Variants in SAFB2 observed in about 807,000 individuals in gnomAD.
The protein encoded by SAFB2 is scaffold attachment factor B2.
In SAFB2, 32 loss-of-function variants were observed where a neutral mutation model predicts 100.6. That is an observed-to-expected ratio of 0.32 (90% confidence interval 0.24 to 0.43). The LOEUF is 0.43. SAFB2 is among the 20% of genes least tolerant of loss of function. The pLI, the probability that SAFB2 is intolerant of heterozygous loss-of-function variation, is 1.00. For synonymous variants in SAFB2, 500 were observed against 439.4 expected (o/e 1.14, Z -1.72); for missense variants, 1,185 against 1,163.4 (o/e 1.02, Z -0.27).
chr19:5,604,963 T>C (rs2052742352), intron 9 of SAFB2, 27 bp from the exon 10 acceptor site: 1 of 1,606,604 alleles, frequency 6.2e-7, no homozygotes, highest in Non-Finnish European at 8.5e-7. Flanking sequence ...ACTCTTACTC[T>C]CTCATACAAA....
chr19:5,588,208 C>T (rs1163372398), intron 18 of SAFB2, among the ~76,000 whole-genome samples: 1 of 152,084 alleles, frequency 6.6e-6, no homozygotes. Context: ...CGAGCCACAC[C>T]GAGATGCTAC....
intron 2 of SAFB2, 70 bp from the exon 3 acceptor site, chr19:5,616,556 G>T (rs1381566797): frequency 2.5e-5 from 31 of 1,253,046 alleles, no homozygotes; most frequent in Non-Finnish European, 3.5e-5. Flanking sequence ...ATGCAGAATA[G>T]ATTTCAATCT....
At chr19:5,622,405 G>C (rs964686336) in intron 1 of SAFB2, 125 bp downstream of exon 1, 5 of 1,003,656 alleles carry the variant, frequency 5.0e-6, no homozygotes, top group Non-Finnish European at 5.5e-6. Flanking sequence ...CCGACACCTC[G>C]AACCGGGGTC....
intron 9 of SAFB2, among the ~76,000 whole-genome samples, chr19:5,608,440 T>C (rs950434776): frequency 2.6e-5 from 4 of 152,210 alleles, no homozygotes; most frequent in Admixed American, 6.5e-5. Context: ...ACAAAGTAAC[T>C]GAATAAACAG....
At position 5,616,490 on chromosome 19, in the gene SAFB2, A is replaced by G. The variant is rs776872207; in HGVS notation, c.275-4T>C. 1.9e-6 allele frequency: 3 copies of G among 1,612,494 alleles called. No individual in the cohort carries two copies. Among genetic ancestry groups the G allele is most frequent in the Non-Finnish European group, 2.5e-6 (3 of 1,178,818 alleles). On this transcript the variant is annotated splice_polypyrimidine_tract_variant and splice_region_variant and intron_variant, in intron 2 of 20. Transcript: ENST00000252542. ...CCTTCCTCCTCCATCTTCAGTCCTA[A>G]TTACAGAATAATTGTTCAATCAGAT... is the stretch of plus-strand genomic sequence containing the variant.
chr19:5,612,748 T>C (rs2052936044), intron 5 of SAFB2, among the ~76,000 whole-genome samples, 181 bp from the exon 6 acceptor site: 1 of 152,176 alleles, frequency 6.6e-6, no homozygotes, highest in South Asian at 2.1e-4. Context: ...ATTTTAACAG[T>C]TTCCCTGGTA....
Position 5,604,826 on chromosome 19 carries a change from G to A in SAFB2, c.1407C>T (p.His469=). ...TCATTCGTCCATGCAGCTCAGTTCTGTGGAGATGGCTGATGCACTTGGTCG... is the reference window on the plus strand; with the variant it reads ...TCATTCGTCCATGCAGCTCAGTTCTATGGAGATGGCTGATGCACTTGGTCG... ...DEATKCISHL[H]RTELHGRMIS... is the part of the protein sequence containing the mutation. The change falls in exon 10 of 21, where the codon CAC becomes CAT. Residue 469 remains histidine, a synonymous_variant. Coordinates refer to ENST00000252542, the MANE Select transcript of SAFB2 (RefSeq NM_014649.3). 6.2e-7 allele frequency: 1 copy of A among 1,614,152 alleles called. No individual in the cohort carries two copies. The highest frequency in any genetic ancestry group is 1.1e-5 in the South Asian group (1 of 91,078).
chr19:5,614,631 AGCTGCAAT>A (rs1156842155), intron 4 of SAFB2, among the ~76,000 whole-genome samples: 8 of 152,248 alleles, frequency 5.3e-5, no homozygotes, highest in African/African-American at 1.9e-4. Context: ...CCAAGCTGAA[AGCTGCAAT>A]GCCTTAAGGA....
At chr19:5,614,098 C>T (rs2052971249) in intron 4 of SAFB2, among the ~76,000 whole-genome samples, 1 of 152,172 alleles carries the variant, frequency 6.6e-6, no homozygotes, top group Non-Finnish European at 1.5e-5. Flanking sequence ...GGATTACAGG[C>T]ATGCACCACC....
In SAFB2 at chr19:5,590,283, G is replaced by GGGA. The variant is rs2052364680; in HGVS notation, c.2517_2519dup (p.Pro841dup). ...GCTGGGGCTCACCCACTAACCTGGG[G>GGGA]GGAGGGGGCAGCCCCCGGCCTTCAC... is the stretch of plus-strand genomic sequence containing the variant. On this transcript the variant is annotated inframe_insertion, in exon 18 of 21. Coordinates refer to ENST00000252542, the MANE Select transcript of SAFB2 (RefSeq NM_014649.3). The GGGA allele has an allele frequency of 3.8e-6, 6 of 1,595,894 alleles. No individual in the cohort carries two copies. The highest frequency in any genetic ancestry group is 4.3e-6 in the Non-Finnish European group (5 of 1,172,284).
intron 6 of SAFB2, 129 bp downstream of exon 6, chr19:5,612,411 T>C: frequency 1.2e-6 from 1 of 850,198 alleles, no homozygotes; most frequent in Non-Finnish European, 2.0e-6. Flanking sequence ...TCTCTGATCC[T>C]TGTATGATCT....
rs771115168 is a variant in SAFB2 at position 5,594,173 on chromosome 19, C to A, written c.1925G>T (p.Arg642Leu). 1.3e-6 allele frequency: 2 copies of A among 1,592,462 alleles called. No homozygotes were observed. Among genetic ancestry groups the A allele is most frequent in the South Asian group, 1.1e-5 (1 of 89,490 alleles). Residue 642 changes from arginine (R) to leucine (L), a missense_variant, in exon 15 of 21, where the codon CGC (arginine) becomes CTC (leucine). By Grantham distance (102) the Arg-to-Leu change is moderately radical. Coordinates refer to ENST00000252542, the MANE Select transcript of SAFB2 (RefSeq NM_014649.3). ...EIRETERRRE[R>L]EQREREQRLE... is the part of the protein sequence containing the mutation. ...GCGTTGCTCCCGCTCCCGCTGCTCG[C>A]GCTCCCTGCGGGGACAGGTGAGGCT...
chr19:5,594,008 T>G lies in SAFB2; in HGVS notation c.2090A>C (p.Glu697Ala). Residue 697 changes from glutamate (E) to alanine (A), a missense_variant, in exon 15 of 21, where the codon GAG (glutamate) becomes GCG (alanine). By Grantham distance (107) the Glu-to-Ala change is moderately radical. Around this residue, in one of 3 missense-constraint regions of SAFB2, gnomAD observed 740 missense variants for 687.1 expected, o/e 1.08. Coordinates refer to ENST00000252542, the MANE Select transcript of SAFB2 (RefSeq NM_014649.3). ...GATGCGCTCCTGCTCCTTCCTGCGC[T>G]CACGCTCCACGCGCATGCGCTCGCG... ...LERERMRVER[E>A]RRKEQERIHR... 1 of 1,562,914 alleles carries G rather than the reference T, an allele frequency of 6.4e-7. No homozygotes were observed. Among genetic ancestry groups the G allele is most frequent in the South Asian group, 1.2e-5 (1 of 86,424 alleles).
At chr19:5,604,484 G>T in intron 11 of SAFB2, 99 bp downstream of exon 11, 1 of 772,064 alleles carries the variant, frequency 1.3e-6, no homozygotes, top group Non-Finnish European at 2.1e-6. Flanking sequence ...AGGCTGCGTG[G>T]GTACAGGTGG....
At chr19:5,605,419 C>T (rs2052754864) in intron 9 of SAFB2, among the ~76,000 whole-genome samples, 2 of 152,058 alleles carry the variant, frequency 1.3e-5, no homozygotes, top group South Asian at 4.1e-4. Flanking sequence ...AATACAACTG[C>T]TTTTAATACA....
chr19:5,614,766 C>T (rs1312795065), intron 4 of SAFB2, among the ~76,000 whole-genome samples: 2 of 152,200 alleles, frequency 1.3e-5, no homozygotes, highest in Non-Finnish European at 2.9e-5. Flanking sequence ...CGCCAAAACA[C>T]TAGAAGTGAA....
At chr19:5,600,696 C>CAG (rs2052637134) in intron 11 of SAFB2, among the ~76,000 whole-genome samples, 2 of 152,288 alleles carry the variant, frequency 1.3e-5, no homozygotes, top group South Asian at 4.1e-4. Flanking sequence ...GGCACAGTGG[C>CAG]AGGACACCAA....
intron 15 of SAFB2, chr19:5,593,598 C>T: frequency 2.7e-6 from 1 of 371,266 alleles, no homozygotes; most frequent in African/African-American, 2.1e-5. Context: ...AGCTATGCTC[C>T]ACGGGTAAGT....
intron 5 of SAFB2, 142 bp downstream of exon 5, chr19:5,613,323 G>C: frequency 1.4e-6 from 1 of 730,056 alleles, no homozygotes; most frequent in Non-Finnish European, 2.2e-6. Flanking sequence ...CCCTGAGACT[G>C]TTTCTCTTCT....
Sources: gnomAD v4.1 joint callset for allele counts (sites outside exome capture counted in the v4.1 genomes callset) on GRCh38, gnomAD v4.1.1 for gene constraint, gnomAD v4.1.1 regional missense constraint, MANE v1.5 for transcripts, NCBI Gene and HGNC (gene_info 2026-07-23, HGNC 2026-07-21) for gene names.